Variants in NPR3 observed in about 807,000 individuals in gnomAD.
NPR3 encodes atrial natriuretic peptide receptor 3.
NPR3 carries 34 observed loss-of-function variants against 54.5 expected under a neutral mutation model. The ratio of observed to expected loss-of-function variants is 0.62; its 90% CI spans 0.47 to 0.83. The LOEUF (loss-of-function observed/expected upper bound fraction) is 0.83, where lower values mean the gene tolerates loss of function less well. NPR3 is among the 40% of genes least tolerant of loss of function. The pLI is 0.00. For synonymous variants in NPR3, 289 were observed against 297.1 expected, an observed-to-expected ratio of 0.97 and a Z score of 0.28; for missense variants, 674 against 720.8, an observed-to-expected ratio of 0.94 and a Z score of 0.74.
chr5:32,775,357 C>T lies in NPR3; in HGVS notation c.1195+514C>T, dbSNP rs183480867. ...TTGCCCAGGCTGGAGTTCAGTGGCA[C>T]GATCTCGGCTCACTGCAACTTCTGC... is the stretch of plus-strand genomic sequence containing the variant. On this transcript the variant is annotated intron_variant, in intron 4 of 7. Transcript: ENST00000265074. 5.4e-4 allele frequency among the ~76,000 whole-genome samples: 82 copies of T among 151,074 alleles called. 1 individual carries two copies. The highest frequency in any genetic ancestry group is 6.0e-4 in the Non-Finnish European group (41 of 67,884).
intron 2 of NPR3, among the ~76,000 whole-genome samples, chr5:32,734,591 T>C (rs924123199): frequency 1.3e-5 from 2 of 152,168 alleles, no homozygotes; most frequent in African/African-American, 4.8e-5. Context: ...TTCCTCAAGG[T>C]CACCAGTGAG....
intron 1 of NPR3, among the ~76,000 whole-genome samples, chr5:32,696,044 T>C (rs1579565018): frequency 6.6e-6 from 1 of 152,160 alleles, no homozygotes; most frequent in African/African-American, 2.4e-5. Context: ...AATTCATTCA[T>C]TTTTTGCTTT....
chr5:32,710,916 G>GTGTGTA (rs1445594324), upstream of NPR3: 9 of 782,174 alleles, frequency 1.2e-5, no homozygotes, highest in African/African-American at 2.0e-5. Context: ...GTGTGTGTGT[G>GTGTGTA]TATGTGTGCG....
At chr5:32,753,624 CTTTTTTTT>C (rs70961660) in intron 3 of NPR3, among the ~76,000 whole-genome samples, 23 of 102,790 alleles carry the variant, frequency 2.2e-4, no homozygotes, top group Non-Finnish European at 3.0e-4. Flanking sequence ...TCTCAGCATC[CTTTTTTTT>C]TTTTTTTTTT....
rs1441429130 is a variant in NPR3, at chr5:32,715,964, C to T, written c.769+3419C>T. Among the ~76,000 whole-genome samples the T allele has an allele frequency of 2.6e-5, 4 of 152,164 alleles. No homozygotes were observed. In the South Asian group the frequency reaches 8.3e-4, roughly 32 times the overall value. The stretch of plus-strand genomic sequence containing the variant: ...TTTAGAATTAGTCTGGGGTAAATGA[C>T]CGAGTGGTCAATCAGCAGCATTTTT... On this transcript the variant is annotated intron_variant, in intron 1 of 7. Transcript: ENST00000265074.
intron 1 of NPR3, among the ~76,000 whole-genome samples, chr5:32,690,967 G>A (rs557965356): frequency 2.0e-5 from 3 of 152,318 alleles, no homozygotes; most frequent in South Asian, 4.1e-4. Flanking sequence ...TCTTGCTCCA[G>A]ATAAACTGCC....
At position 32,720,674 on chromosome 5, in the gene NPR3, C is replaced by A. The variant is rs1178248642; in HGVS notation, c.770-4024C>A. 2.0e-5 allele frequency among the ~76,000 whole-genome samples: 3 copies of A among 152,068 alleles called. No homozygotes were observed. The East Asian group carries it at 5.8e-4, about 29-fold the overall frequency. Reference sequence around the variant, plus strand: ...CTTTTAGAATTTTAACAATGCGACCCAAAATTAATATTTATATATTAACTA... The same window carrying A: ...CTTTTAGAATTTTAACAATGCGACCAAAAATTAATATTTATATATTAACTA... On this transcript the variant is annotated intron_variant, in intron 1 of 7. Coordinates refer to ENST00000265074, the MANE Select transcript of NPR3 (RefSeq NM_001204375.2).
intron 2 of NPR3, among the ~76,000 whole-genome samples, chr5:32,729,429 C>A: frequency 6.6e-6 from 1 of 152,114 alleles, no homozygotes; most frequent in East Asian, 1.9e-4. Context: ...GATTTTGGAA[C>A]ATTTTGGATT....
intron 1 of NPR3, among the ~76,000 whole-genome samples, chr5:32,695,408 G>T (rs1015542422): frequency 6.6e-6 from 1 of 152,146 alleles, no homozygotes; most frequent in African/African-American, 2.4e-5. Flanking sequence ...GGGACTACAG[G>T]TGCCCGCCAC....
chr5:32,717,803 G>A (rs1440679477), intron 1 of NPR3, among the ~76,000 whole-genome samples: 3 of 152,064 alleles, frequency 2.0e-5, no homozygotes, highest in African/African-American at 7.2e-5. Flanking sequence ...CATTCTCTAG[G>A]TTGCCTGTTC....
At chr5:32,710,766 G>A, upstream of NPR3, 1 of 1,547,584 alleles carries the variant, frequency 6.5e-7, no homozygotes, top group Non-Finnish European at 8.7e-7. Context: ...AGGAGGGAAT[G>A]TGGCCAGAAC....
At chr5:32,719,779 G>A (rs935350384) in intron 1 of NPR3, among the ~76,000 whole-genome samples, 59 of 97,696 alleles carry the variant, frequency 6.0e-4, no homozygotes, top group African/African-American at 2.1e-3. Flanking sequence ...TACCACCTAT[G>A]TTGTTGTTGT....
At chr5:32,763,552 G>A (rs1741286751) in intron 3 of NPR3, among the ~76,000 whole-genome samples, 1 of 150,544 alleles carries the variant, frequency 6.6e-6, no homozygotes, top group Non-Finnish European at 1.5e-5. Context: ...GATCTCAAGT[G>A]ACCTGCCCAC....
chr5:32,752,207 CCAAAAACAAAAA>C (rs58111360), intron 3 of NPR3, among the ~76,000 whole-genome samples: 30,926 of 149,828 alleles, frequency 0.21, 3,296 homozygotes, highest in South Asian at 0.28. Flanking sequence ...TCCTCCACCT[CCAAAAACAAAAA>C]CAAAAACAAA....
chr5:32,771,994 G>A (rs569257650), intron 3 of NPR3, among the ~76,000 whole-genome samples: 34 of 152,016 alleles, frequency 2.2e-4, no homozygotes, highest in African/African-American at 7.2e-4. Context: ...AAATTACACC[G>A]CTACAGTTCA....
At chr5:32,780,886 T>C in intron 5 of NPR3, 70 bp downstream of exon 5, 3 of 735,932 alleles carry the variant, frequency 4.1e-6, no homozygotes, top group Non-Finnish European at 7.3e-6. Context: ...GCATTTGTTC[T>C]GGTGGCCAAA....
intron 4 of NPR3, among the ~76,000 whole-genome samples, chr5:32,779,636 A>G (rs1487929445): frequency 1.3e-5 from 2 of 152,146 alleles, no homozygotes; most frequent in Non-Finnish European, 2.9e-5. Context: ...CTTCTTGATT[A>G]CTGCTTGCCC....
chr5:32,712,084 A>C lies in NPR3; in HGVS notation c.308A>C (p.Tyr103Ser). ...LPPGTRFQVA[Y>S]EDSDCGNRAL... ...CCGGGCACTCGCTTCCAGGTGGCTT[A>C]CGAGGATTCAGACTGTGGGAACCGT... is the stretch of plus-strand genomic sequence containing the variant. The change falls in exon 1 of 8, where the codon TAC (tyrosine) becomes TCC (serine). Residue 103 changes from tyrosine to serine, a missense_variant. Physicochemically the swap from Tyr to Ser is moderately radical, Grantham distance 144 (BLOSUM62 -2). Transcript: ENST00000265074. 3.1e-6 allele frequency: 5 copies of C among 1,613,810 alleles called. No homozygotes were observed. Among genetic ancestry groups the C allele is most frequent in the Non-Finnish European group, 4.2e-6 (5 of 1,179,806 alleles).
chr5:32,735,417 T>TC lies in NPR3; in HGVS notation c.893-3446dup, dbSNP rs1436311294. Among the ~76,000 whole-genome samples the TC allele has an allele frequency of 2.6e-5, 4 of 151,556 alleles. No homozygotes were observed. The East Asian group carries it at 7.7e-4, about 29-fold the overall frequency. Reference sequence around the variant, plus strand: ...TGCCTTTGTTCTCAAGGGCTCTATCTCTTTTTTTTATAATAAAAGTCAATG... The same window carrying TC: ...TGCCTTTGTTCTCAAGGGCTCTATCTCCTTTTTTTTATAATAAAAGTCAATG... On this transcript the variant is annotated intron_variant, in intron 2 of 7. Coordinates refer to ENST00000265074, the MANE Select transcript of NPR3 (RefSeq NM_001204375.2).
Sources: allele counts gnomAD v4.1 joint callset (sites outside exome capture counted in the v4.1 genomes callset), GRCh38; gene constraint gnomAD v4.1.1; transcripts MANE v1.5; gene names NCBI Gene and HGNC (gene_info 2026-07-23, HGNC 2026-07-21).